Variants in EYS observed in about 807,000 individuals in gnomAD.
EYS encodes the protein protein eyes shut homolog.
Under a neutral mutation model 282.1 loss-of-function variants are expected in EYS, and 250 were observed. That is an observed-to-expected ratio of 0.89 (90% CI 0.80 to 0.98). EYS has a LOEUF of 0.98. Ranked by LOEUF, EYS falls within the 50% of genes least tolerant of loss-of-function variation. The pLI is 0.00. For missense variants in EYS, 4,016 were observed against 3,709.0 expected (o/e 1.08, Z -2.15); for synonymous variants, 1,355 against 1,282.9 (o/e 1.06, Z -1.20).
intron 5 of EYS, among the ~76,000 whole-genome samples, chr6:65,422,124 C>A (rs116464158): frequency 0.012 from 1,794 of 151,928 alleles, 19 homozygotes; most frequent in Admixed American, 0.022. Context: ...CAGCAAGGCA[C>A]AAGAAAACAA....
At chr6:64,739,024 A>T (rs1772281155) in intron 22 of EYS, among the ~76,000 whole-genome samples, 1 of 152,238 alleles carries the variant, frequency 6.6e-6, no homozygotes, top group Admixed American at 6.5e-5. Context: ...CTGGGATTAC[A>T]GGCGTGAGCC....
At chr6:64,395,382 C>A (rs1773324564) in intron 28 of EYS, among the ~76,000 whole-genome samples, 1 of 152,104 alleles carries the variant, frequency 6.6e-6, no homozygotes, top group African/African-American at 2.4e-5. Context: ...GGAACCAACC[C>A]AAATGTCCAA....
chr6:63,913,234 CT>C lies in EYS; in HGVS notation c.7056-48877del, dbSNP rs573444322. On this transcript the variant is annotated intron_variant, in intron 35 of 42. Transcript: ENST00000503581. ...AAACACTGGAGAGTTTTCATATTTC[CT>C]TTCCCCATCCATAAGATTACTCCAG... Among the ~76,000 whole-genome samples, 3 of 152,236 alleles carry C rather than the reference CT, an allele frequency of 2.0e-5. No individual in the cohort carries two copies. In the South Asian group the frequency reaches 6.2e-4, roughly 32 times the overall value.
chr6:64,662,422 G>T (rs1187785467), intron 22 of EYS, among the ~76,000 whole-genome samples: 2 of 152,076 alleles, frequency 1.3e-5, no homozygotes, highest in Non-Finnish European at 2.9e-5. Context: ...GATTTAGTTT[G>T]CTTATAGACT....
intron 14 of EYS, among the ~76,000 whole-genome samples, chr6:64,970,247 A>T (rs547083367): frequency 1.3e-5 from 2 of 152,342 alleles, no homozygotes; most frequent in East Asian, 3.9e-4. Context: ...AATATACACA[A>T]ATCCACTGTG....
chr6:65,093,057 G>A (rs1002969382), intron 12 of EYS, among the ~76,000 whole-genome samples: 2 of 151,970 alleles, frequency 1.3e-5, no homozygotes, highest in South Asian at 4.2e-4. Context: ...AGAGAAAAGT[G>A]ACATCACATA....
chr6:63,826,368 C>T (rs1771460696), intron 36 of EYS, among the ~76,000 whole-genome samples: 1 of 152,110 alleles, frequency 6.6e-6, no homozygotes, highest in African/African-American at 2.4e-5. Context: ...CATAGACATC[C>T]AAATACAAGA....
At chr6:64,287,247 A>G (rs1444401617) in intron 30 of EYS, among the ~76,000 whole-genome samples, 3 of 152,178 alleles carry the variant, frequency 2.0e-5, no homozygotes, top group Non-Finnish European at 4.4e-5. Flanking sequence ...GTTTTCCAGC[A>G]TCAGTCACAA....
rs183150071 is a variant in EYS at position 64,314,974 on chromosome 6, A to G, written c.6079-7892T>C. Among the ~76,000 whole-genome samples, 121 of 152,280 alleles carry G rather than the reference A, an allele frequency of 7.9e-4. 1 individual carries two copies. The highest frequency in any genetic ancestry group is 2.9e-4 in the Non-Finnish European group (20 of 68,028). On this transcript the variant is annotated intron_variant, in intron 29 of 42. Transcript: ENST00000503581. ...CATGAAAAACCCTTCAAAAAAATCA[A>G]TGAATTCAGGAGCTGGTTTTTTGAA...
rs1769042057 is a variant in EYS at position 63,740,308 on chromosome 6, GT to G, written c.8072-13629del. 2.0e-5 allele frequency among the ~76,000 whole-genome samples: 3 copies of G among 152,248 alleles called. No homozygotes were observed. The Middle Eastern group carries it at 0.01, about 518-fold the overall frequency. ...GAGATCTGATGGTTTTAAAATGGGAGTTTCACTGCAGAAGCTCTCTTCTCTT... is the reference window on the plus strand; with the variant it reads ...GAGATCTGATGGTTTTAAAATGGGAGTTCACTGCAGAAGCTCTCTTCTCTT... On this transcript the variant is annotated intron_variant, in intron 41 of 42. Transcript: ENST00000503581.
At chr6:65,585,338 CA>C (rs1172889416) in intron 2 of EYS, among the ~76,000 whole-genome samples, 3 of 151,654 alleles carry the variant, frequency 2.0e-5, no homozygotes, top group Non-Finnish European at 4.4e-5. Context: ...AATGAATGAA[CA>C]AAAGAAATAA....
intron 35 of EYS, among the ~76,000 whole-genome samples, chr6:63,905,551 C>G (rs1179615920): frequency 6.6e-6 from 1 of 152,002 alleles, no homozygotes. Flanking sequence ...AGGATGGTCT[C>G]CATCTCCTGA....
intron 11 of EYS, among the ~76,000 whole-genome samples, chr6:65,317,829 T>TTCCTTCCTTTCTTTCTTC (rs1218979616): frequency 3.0e-5 from 1 of 33,656 alleles, no homozygotes; most frequent in Non-Finnish European, 5.7e-5. Context: ...TTCCTTCCTT[T>TTCCTTCCTTTCTTTCTTC]CTTTCTTTCT....
At chr6:63,781,691 G>A (rs1417906832) in intron 39 of EYS, among the ~76,000 whole-genome samples, 3 of 152,196 alleles carry the variant, frequency 2.0e-5, no homozygotes, top group Admixed American at 1.3e-4. Context: ...CATGTCATCT[G>A]CAAACAGGGA....
chr6:64,890,480 G>A (rs535092902), intron 18 of EYS, among the ~76,000 whole-genome samples: 1 of 152,056 alleles, frequency 6.6e-6, no homozygotes, highest in South Asian at 2.1e-4. Flanking sequence ...TCTTTTGTAC[G>A]CTGTCCCTTT....
intron 22 of EYS, among the ~76,000 whole-genome samples, chr6:64,661,507 C>T (rs1769019357): frequency 6.6e-6 from 1 of 152,124 alleles, no homozygotes; most frequent in South Asian, 2.1e-4. Context: ...GGGCTAATAT[C>T]CAGAATCTAA....
chr6:65,000,851 C>A (rs1414888952), intron 13 of EYS, among the ~76,000 whole-genome samples: 1 of 152,342 alleles, frequency 6.6e-6, no homozygotes, highest in Middle Eastern at 3.4e-3. Context: ...GACTCACACA[C>A]AAACACACAC....
intron 35 of EYS, among the ~76,000 whole-genome samples, chr6:63,868,120 G>A (rs1162574470): frequency 6.6e-6 from 1 of 152,046 alleles, no homozygotes; most frequent in African/African-American, 2.4e-5. Context: ...TACTGCATGT[G>A]CATTATGTTT....
intron 10 of EYS, among the ~76,000 whole-genome samples, chr6:65,343,682 T>A (rs1381753425): frequency 6.6e-6 from 1 of 151,190 alleles, no homozygotes. Context: ...GATTTAAACA[T>A]ATCCAAAAGA....
Sources: gnomAD v4.1 joint callset for allele counts (sites outside exome capture counted in the v4.1 genomes callset) on GRCh38, gnomAD v4.1.1 for gene constraint, MANE v1.5 for transcripts, NCBI Gene and HGNC (gene_info 2026-07-23, HGNC 2026-07-21) for gene names.